RORB: variants seen among roughly 807,000 people sequenced by gnomAD.
The protein encoded by RORB is nuclear receptor ROR-beta.
In RORB, 6 loss-of-function variants were observed where a neutral mutation model predicts 59.1. The ratio of observed to expected loss-of-function variants is 0.10; its 90% CI spans 0.06 to 0.20. RORB has a LOEUF of 0.20. RORB is among the 10% of genes least tolerant of loss of function. The pLI is 1.00. For missense variants in RORB, 320 were observed against 560.5 expected (o/e 0.57, Z 4.33); for synonymous variants, 215 against 204.5 (o/e 1.05, Z -0.44).
At chr9:74,557,010 T>G (rs547115313) in intron 1 of RORB, among the ~76,000 whole-genome samples, 25 of 152,232 alleles carry the variant, frequency 1.6e-4, no homozygotes, top group Admixed American at 5.2e-4. Flanking sequence ...GCCTATTTCG[T>G]ATTCATTTCC....
intron 1 of RORB, among the ~76,000 whole-genome samples, chr9:74,613,773 A>T (rs1472955027): frequency 6.6e-6 from 1 of 152,204 alleles, no homozygotes; most frequent in Non-Finnish European, 1.5e-5. Flanking sequence ...AATGTAAGCC[A>T]GGGAAAAGTG....
chr9:74,608,437 A>G (rs1350916611), intron 1 of RORB, among the ~76,000 whole-genome samples: 1 of 151,592 alleles, frequency 6.6e-6, no homozygotes, highest in Non-Finnish European at 1.5e-5. Context: ...GGTGGCGGGC[A>G]CCTGTAGTCC....
intron 4 of RORB, among the ~76,000 whole-genome samples, chr9:74,647,746 ATCTAG>A (rs1823923781): frequency 6.6e-6 from 1 of 152,224 alleles, no homozygotes; most frequent in Non-Finnish European, 1.5e-5. Context: ...CCTAAAAGCG[ATCTAG>A]TCCCTGTAAT....
intron 4 of RORB, among the ~76,000 whole-genome samples, chr9:74,656,623 C>G (rs751767654): frequency 3.3e-5 from 5 of 152,228 alleles, no homozygotes; most frequent in Middle Eastern, 6.8e-3. Context: ...GTAGTCCCAG[C>G]TAGTTGGGAG....
intron 1 of RORB, among the ~76,000 whole-genome samples, chr9:74,563,378 GT>G (rs2118198020): frequency 6.6e-6 from 1 of 151,980 alleles, no homozygotes; most frequent in East Asian, 1.9e-4. Flanking sequence ...AAGAGATGGG[GT>G]TTCACCATAT....
At chr9:74,555,373 G>A (rs1822272194) in intron 1 of RORB, among the ~76,000 whole-genome samples, 1 of 152,212 alleles carries the variant, frequency 6.6e-6, no homozygotes, top group African/African-American at 2.4e-5. Context: ...GACATTTAAA[G>A]TGGAAGCTTG....
chr9:74,658,247 A>G (rs1295264518), intron 4 of RORB, among the ~76,000 whole-genome samples: 1 of 152,136 alleles, frequency 6.6e-6, no homozygotes, highest in African/African-American at 2.4e-5. Flanking sequence ...GGCTCAATTG[A>G]GGCAGAATCA....
intron 1 of RORB, among the ~76,000 whole-genome samples, chr9:74,592,839 A>ACACACACATGAACATG (rs1307432236): frequency 1.3e-5 from 2 of 152,110 alleles, no homozygotes; most frequent in Non-Finnish European, 2.9e-5. Flanking sequence ...TCACTCTCAC[A>ACACACACATGAACATG]CACACACATG....
At chr9:74,661,113 T>C (rs537120677) in intron 5 of RORB, among the ~76,000 whole-genome samples, 3 of 152,346 alleles carry the variant, frequency 2.0e-5, no homozygotes, top group South Asian at 2.1e-4. Flanking sequence ...ACAGCAGTTG[T>C]AATCGTCACA....
intron 1 of RORB, among the ~76,000 whole-genome samples, chr9:74,555,142 A>C (rs1311101562): frequency 6.6e-6 from 1 of 152,196 alleles, no homozygotes; most frequent in African/African-American, 2.4e-5. Flanking sequence ...CTAAGCACTG[A>C]GGCTACAGCC....
At chr9:74,608,173 G>A (rs1015681955) in intron 1 of RORB, among the ~76,000 whole-genome samples, 21 of 152,098 alleles carry the variant, frequency 1.4e-4, no homozygotes, top group African/African-American at 4.3e-4. Flanking sequence ...GATTGTTACA[G>A]CCATTTTCTA....
intron 9 of RORB, among the ~76,000 whole-genome samples, chr9:74,675,790 A>G (rs746481529): frequency 6.6e-6 from 1 of 152,114 alleles, no homozygotes; most frequent in Admixed American, 6.6e-5. Flanking sequence ...GCCATGACTC[A>G]CTTTAGGAGG....
rs71368671 is a variant in RORB at position 74,640,433 on chromosome 9, C to CTGTGTGTG, written c.236-1963_236-1956dup. On this transcript the variant is annotated intron_variant, in intron 3 of 9. Transcript: ENST00000376896. Reference sequence around the variant, plus strand: ...CACATACCACCATACTCGGCTAATTCTGTGTGTGTGTGTGTGTGTGTGTGT... The same window carrying CTGTGTGTG: ...CACATACCACCATACTCGGCTAATTCTGTGTGTGTGTGTGTGTGTGTGTGTGTGTGTGT... 1.6e-3 allele frequency among the ~76,000 whole-genome samples: 241 copies of CTGTGTGTG among 148,432 alleles called. 1 individual carries two copies. Among genetic ancestry groups the CTGTGTGTG allele is most frequent in the Middle Eastern group, 3.4e-3 (1 of 292 alleles).
chr9:74,587,319 A>G (rs1822817575), intron 1 of RORB, among the ~76,000 whole-genome samples: 1 of 152,220 alleles, frequency 6.6e-6, no homozygotes. Context: ...GCAAACTTCT[A>G]TCACCTCTAA....
At chr9:74,675,665 A>G (rs1009479083) in intron 9 of RORB, among the ~76,000 whole-genome samples, 1 of 152,304 alleles carries the variant, frequency 6.6e-6, no homozygotes, top group South Asian at 2.1e-4. Flanking sequence ...TTAGTTGAGG[A>G]CGATACTCCA....
At chr9:74,556,259 A>T (rs550782032) in intron 1 of RORB, among the ~76,000 whole-genome samples, 70 of 152,274 alleles carry the variant, frequency 4.6e-4, no homozygotes, top group African/African-American at 1.7e-3. Context: ...TATTATACTT[A>T]TTACTGAGAT....
intron 1 of RORB, among the ~76,000 whole-genome samples, chr9:74,546,074 G>A (rs1230832811): frequency 6.6e-6 from 1 of 152,218 alleles, no homozygotes; most frequent in African/African-American, 2.4e-5. Context: ...AGACATGGCA[G>A]AAGGAAAATA....
chr9:74,654,731 A>G (rs1587408214), intron 4 of RORB, among the ~76,000 whole-genome samples: 1 of 152,184 alleles, frequency 6.6e-6, no homozygotes, highest in Non-Finnish European at 1.5e-5. Context: ...AAAGTTGCTC[A>G]ATATATAAAG....
chr9:74,579,525 T>C (rs576428935), intron 1 of RORB, among the ~76,000 whole-genome samples: 2 of 152,242 alleles, frequency 1.3e-5, no homozygotes, highest in Admixed American at 6.5e-5. Context: ...AAAGCTACAA[T>C]GTTGCAATAC....
Sources: gnomAD v4.1 joint callset for allele counts (sites outside exome capture counted in the v4.1 genomes callset) on GRCh38, gnomAD v4.1.1 for gene constraint, MANE v1.5 for transcripts, NCBI Gene and HGNC (gene_info 2026-07-23, HGNC 2026-07-21) for gene names.